Variants in SPMIP2 observed in about 807,000 individuals in gnomAD.
SPMIP2 encodes sperm microtubule inner protein 2, also known as protein SPMIP2.
At chr4:158,968,614 A>G in the SPMIP2 span, among the ~76,000 whole-genome samples, 1 of 152,160 alleles carries the variant, frequency 6.6e-6, no homozygotes, top group African/African-American at 2.4e-5. Flanking sequence ...CTGGGATGAA[A>G]TCTTGGCTCT....
chr4:158,977,673 G>C, the SPMIP2 span, among the ~76,000 whole-genome samples: 1 of 142,140 alleles, frequency 7.0e-6, no homozygotes, highest in African/African-American at 2.6e-5. Context: ...GGAGAGCAGT[G>C]GCACAATCTC....
At chr4:158,909,715 A>C in the SPMIP2 span, among the ~76,000 whole-genome samples, 1 of 151,904 alleles carries the variant, frequency 6.6e-6, no homozygotes, top group Non-Finnish European at 1.5e-5. Flanking sequence ...CAGGGACTAC[A>C]GGCATGCACC....
the SPMIP2 span, chr4:158,973,279 T>C: frequency 4.3e-6 from 7 of 1,613,496 alleles, no homozygotes; most frequent in Non-Finnish European, 5.9e-6. Context: ...TGCTGATGAA[T>C]TTTGGGTAAA....
At chr4:158,917,212 T>C in the SPMIP2 span, among the ~76,000 whole-genome samples, 1 of 151,572 alleles carries the variant, frequency 6.6e-6, no homozygotes, top group Non-Finnish European at 1.5e-5. Flanking sequence ...ATCACACCAC[T>C]GCACTCCAGC....
chr4:158,893,404 G>A, the SPMIP2 span: 2 of 300,956 alleles, frequency 6.6e-6, no homozygotes, highest in Non-Finnish European at 1.2e-5. Context: ...TTATATTAGA[G>A]AATGAATGTA....
the SPMIP2 span, among the ~76,000 whole-genome samples, chr4:158,968,175 G>A: frequency 3.2e-3 from 492 of 152,110 alleles, 1 homozygote; most frequent in Middle Eastern, 0.014. Context: ...AATTACAGGC[G>A]CCCATCACCA....
At chr4:158,986,412 C>G in the SPMIP2 span, among the ~76,000 whole-genome samples, 4 of 152,128 alleles carry the variant, frequency 2.6e-5, no homozygotes, top group Admixed American at 6.6e-5. Flanking sequence ...AACCAAAACA[C>G]CATGGTACTG....
chr4:159,060,459 G>A, the SPMIP2 span, among the ~76,000 whole-genome samples: 1 of 152,206 alleles, frequency 6.6e-6, no homozygotes, highest in South Asian at 2.1e-4. Context: ...GAAGTTTAGT[G>A]TTTAGAGCTG....
chr4:158,978,633 G>C, the SPMIP2 span, among the ~76,000 whole-genome samples: 1 of 152,132 alleles, frequency 6.6e-6, no homozygotes, highest in Admixed American at 6.5e-5. Flanking sequence ...AAGATATTTA[G>C]CTCTTTTTAT....
the SPMIP2 span, among the ~76,000 whole-genome samples, chr4:158,988,282 G>C: frequency 6.6e-6 from 1 of 152,150 alleles, no homozygotes; most frequent in Admixed American, 6.6e-5. Flanking sequence ...TCCAGGACCA[G>C]ACAGATTCAC....
At chr4:159,067,928 C>T in the SPMIP2 span, among the ~76,000 whole-genome samples, 1 of 152,166 alleles carries the variant, frequency 6.6e-6, no homozygotes, top group Non-Finnish European at 1.5e-5. Flanking sequence ...CATCACTGGC[C>T]ATCAGAGAAA....
chr4:158,965,689 A>G, the SPMIP2 span, among the ~76,000 whole-genome samples: 1 of 143,610 alleles, frequency 7.0e-6, no homozygotes, highest in Non-Finnish European at 1.5e-5. Flanking sequence ...AAAAAGGTAC[A>G]TAGTTTTGAA....
chr4:158,902,238 GC>G, the SPMIP2 span, among the ~76,000 whole-genome samples: 6 of 152,154 alleles, frequency 3.9e-5, no homozygotes, highest in African/African-American at 1.4e-4. Flanking sequence ...CTTCTAACAG[GC>G]CTGTCTGCTG....
At chr4:159,033,452 A>C in the SPMIP2 span, among the ~76,000 whole-genome samples, 1 of 152,218 alleles carries the variant, frequency 6.6e-6, no homozygotes, top group East Asian at 1.9e-4. Context: ...ATGGATGCAA[A>C]TTAAAAAAAA....
the SPMIP2 span, among the ~76,000 whole-genome samples, chr4:159,078,468 A>T: frequency 6.6e-6 from 1 of 152,208 alleles, no homozygotes; most frequent in Non-Finnish European, 1.5e-5. Context: ...CCAGTGGAGA[A>T]ACACTGAGGG....
chr4:158,929,231 TG>T, the SPMIP2 span, among the ~76,000 whole-genome samples: 2 of 152,238 alleles, frequency 1.3e-5, no homozygotes, highest in Non-Finnish European at 1.5e-5. Flanking sequence ...TTGCCCAGGC[TG>T]GTCCCACGCT....
At chr4:159,026,893 A>G in the SPMIP2 span, among the ~76,000 whole-genome samples, 2 of 150,184 alleles carry the variant, frequency 1.3e-5, no homozygotes, top group Non-Finnish European at 3.0e-5. Flanking sequence ...ATTTATATTT[A>G]TGCATATATA....
chr4:158,949,564 G>GCATATAGATAC, the SPMIP2 span, among the ~76,000 whole-genome samples: 116,931 of 152,002 alleles, frequency 0.77, 45,382 homozygotes, highest in East Asian at 0.95. Context: ...TGTACTTCAT[G>GCATATAGATAC]TGCTTCATGA....
At chr4:159,003,980 T>C in the SPMIP2 span, among the ~76,000 whole-genome samples, 1 of 152,090 alleles carries the variant, frequency 6.6e-6, no homozygotes, top group Non-Finnish European at 1.5e-5. Flanking sequence ...TTTTGACGAG[T>C]CATCACCAGC....
Sources: allele counts gnomAD v4.1 joint callset (sites outside exome capture counted in the v4.1 genomes callset), GRCh38; gene constraint gnomAD v4.1.1; transcripts MANE v1.5; gene names NCBI Gene and HGNC (gene_info 2026-07-23, HGNC 2026-07-21).